The following STAM variants were observed in gnomAD, a reference collection of about 807,000 sequenced individuals.
STAM encodes signal transducing adapter molecule 1.
STAM carries 16 observed loss-of-function variants against 63.4 expected under a neutral mutation model. That is an observed-to-expected ratio of 0.25 (90% CI 0.17 to 0.38). STAM has a LOEUF of 0.38. Ranked by LOEUF, STAM falls within the 10% of genes least tolerant of loss-of-function variation. The pLI, the probability that STAM is intolerant of heterozygous loss-of-function variation, is 1.00. For synonymous variants in STAM, 238 were observed against 223.9 expected (o/e 1.06, Z -0.56); for missense variants, 636 against 657.1 (o/e 0.97, Z 0.35).
chr10:17,708,279 T>G (rs1836389876), intron 12 of STAM, among the ~76,000 whole-genome samples: 1 of 152,186 alleles, frequency 6.6e-6, no homozygotes, highest in African/African-American at 2.4e-5. Context: ...TCCACAAAAC[T>G]TAAAATATTT....
At chr10:17,659,951 G>A (rs1384889678) in intron 1 of STAM, among the ~76,000 whole-genome samples, 1 of 151,864 alleles carries the variant, frequency 6.6e-6, no homozygotes, top group Non-Finnish European at 1.5e-5. Flanking sequence ...TAAACAACAG[G>A]CAGTTATTTT....
chr10:17,694,512 C>T (rs2131656921), intron 6 of STAM, among the ~76,000 whole-genome samples: 1 of 152,226 alleles, frequency 6.6e-6, no homozygotes, highest in Non-Finnish European at 1.5e-5. Context: ...TGATGGTCTG[C>T]ACTTGGGAAG....
chr10:17,673,418 T>C (rs1834721200), intron 2 of STAM, among the ~76,000 whole-genome samples: 1 of 152,242 alleles, frequency 6.6e-6, no homozygotes, highest in Non-Finnish European at 1.5e-5. Flanking sequence ...CAGTGACTTT[T>C]TTTTGAGCAT....
chr10:17,705,804 A>C, intron 12 of STAM, 63 bp downstream of exon 12: 2 of 1,519,952 alleles, frequency 1.3e-6, no homozygotes, highest in Non-Finnish European at 1.8e-6. Flanking sequence ...GTGGTAGCTC[A>C]TGCCTGTAAT....
At chr10:17,695,924 A>C (rs1276416141) in intron 7 of STAM, 1 of 152,208 alleles carries the variant, frequency 6.6e-6, no homozygotes, top group Non-Finnish European at 1.5e-5. Context: ...TATTTCTCAC[A>C]GACAGATTGA....
At chr10:17,693,749 T>G (rs1589089516) in intron 6 of STAM, among the ~76,000 whole-genome samples, 1 of 152,210 alleles carries the variant, frequency 6.6e-6, no homozygotes, top group East Asian at 1.9e-4. Context: ...TTCTGATTTT[T>G]TTTTACTAAA....
chr10:17,704,294 G>A, intron 9 of STAM, 137 bp from the exon 10 acceptor site: 1 of 650,404 alleles, frequency 1.5e-6, no homozygotes, highest in East Asian at 2.7e-5. Flanking sequence ...AAATACATGG[G>A]ACACTGACAA....
chr10:17,701,861 G>C (rs35989262), intron 9 of STAM, among the ~76,000 whole-genome samples: 7,038 of 152,134 alleles, frequency 0.046, 218 homozygotes, highest in East Asian at 0.19. Flanking sequence ...ACTGGTTTTG[G>C]TATTAAGAAA....
chr10:17,668,449 A>AAAG (rs1834489516), intron 2 of STAM, among the ~76,000 whole-genome samples: 1 of 152,238 alleles, frequency 6.6e-6, no homozygotes, highest in South Asian at 2.1e-4. Context: ...ACTATTAACT[A>AAAG]AAGTCCATAG....
At chr10:17,681,888 G>A (rs1398980915) in intron 2 of STAM, among the ~76,000 whole-genome samples, 16 of 152,158 alleles carry the variant, frequency 1.1e-4, no homozygotes, top group African/African-American at 3.6e-4. Flanking sequence ...GAGAGCCTAA[G>A]CACATGATGT....
chr10:17,669,760 C>T (rs1192418880), intron 2 of STAM, among the ~76,000 whole-genome samples: 1 of 150,680 alleles, frequency 6.6e-6, no homozygotes, highest in Non-Finnish European at 1.5e-5. Context: ...TGCAGTGGCG[C>T]AATCTCAGCT....
chr10:17,675,657 A>G (rs188562348), intron 2 of STAM, among the ~76,000 whole-genome samples: 2 of 152,340 alleles, frequency 1.3e-5, no homozygotes, highest in African/African-American at 4.8e-5. Flanking sequence ...AGGCTAGACT[A>G]TGAACTTCAT....
rs369702608 is a variant in STAM, at chr10:17,695,073, A to G, written c.560A>G (p.Gln187Arg). 2.5e-6 allele frequency: 4 copies of G among 1,613,862 alleles called. No homozygotes were observed. Among genetic ancestry groups the G allele is most frequent in the Non-Finnish European group, 3.4e-6 (4 of 1,179,924 alleles). ...GCCATTGAGTTGTCTCTCAAGGAAC[A>G]AAGGCAGCAGTCAACCACCCTTTCC... The part of the protein sequence containing the change: ...AKAIELSLKE[Q>R]RQQSTTLSTL... Residue 187 changes from glutamine to arginine, a missense_variant, in exon 7 of 14, where the codon CAA becomes CGA. Coordinates refer to ENST00000377524, the MANE Select transcript of STAM (RefSeq NM_003473.4).
At chr10:17,649,551 AT>A (rs1241664168) in intron 1 of STAM, among the ~76,000 whole-genome samples, 2 of 151,684 alleles carry the variant, frequency 1.3e-5, no homozygotes, top group East Asian at 1.9e-4. Context: ...AGAACTTTTC[AT>A]TTTTTTTCCC....
At chr10:17,670,912 T>G (rs1834614380) in intron 2 of STAM, among the ~76,000 whole-genome samples, 1 of 152,200 alleles carries the variant, frequency 6.6e-6, no homozygotes, top group Non-Finnish European at 1.5e-5. Flanking sequence ...ATTTGCATTT[T>G]GAATATGTTC....
chr10:17,697,487 A>G (rs537345775), intron 8 of STAM, among the ~76,000 whole-genome samples: 7 of 152,352 alleles, frequency 4.6e-5, no homozygotes, highest in Admixed American at 2.0e-4. Flanking sequence ...CTAATCATAT[A>G]AAAGTTTTTT....
intron 1 of STAM, among the ~76,000 whole-genome samples, chr10:17,644,865 C>CTCTG (rs1235060956): frequency 6.6e-6 from 1 of 152,086 alleles, no homozygotes; most frequent in East Asian, 1.9e-4. Flanking sequence ...AAGGAGGGAG[C>CTCTG]TCTGGTTAAG....
chr10:17,669,860 A>G (rs1381742423), intron 2 of STAM, among the ~76,000 whole-genome samples: 1 of 137,300 alleles, frequency 7.3e-6, no homozygotes, highest in Non-Finnish European at 1.6e-5. Context: ...CCTATGCCCT[A>G]TGCCCGGCCA....
chr10:17,670,687 C>G (rs1415731413), intron 2 of STAM, among the ~76,000 whole-genome samples: 4 of 152,018 alleles, frequency 2.6e-5, no homozygotes, highest in African/African-American at 9.7e-5. Context: ...ATCTGCTTTT[C>G]TAATGAAGTC....
Sources: gnomAD v4.1 joint callset for allele counts (sites outside exome capture counted in the v4.1 genomes callset) on GRCh38, gnomAD v4.1.1 for gene constraint, MANE v1.5 for transcripts, NCBI Gene and HGNC (gene_info 2026-07-23, HGNC 2026-07-21) for gene names.